Variants in ABCC1 observed in about 807,000 individuals in gnomAD.
ABCC1 encodes multidrug resistance-associated protein 1.
In ABCC1, 83 loss-of-function variants were observed where a neutral mutation model predicts 172.9. That is an observed-to-expected ratio of 0.48 (90% CI 0.40 to 0.58). ABCC1 has a LOEUF of 0.58. ABCC1 is among the 20% of genes least tolerant of loss of function. ABCC1 has a pLI of 0.00. For synonymous variants in ABCC1, 937 were observed against 825.2 expected (o/e 1.14, Z -2.32); for missense variants, 1,817 against 2,002.7 (o/e 0.91, Z 1.77).
chr16:15,997,218 C>T (rs1053264596), intron 1 of ABCC1, among the ~76,000 whole-genome samples: 15 of 151,950 alleles, frequency 9.9e-5, no homozygotes, highest in South Asian at 2.1e-4. Context: ...CAGCCTCTCA[C>T]GTAGCCGGGA....
intron 12 of ABCC1, among the ~76,000 whole-genome samples, chr16:16,065,873 G>A (rs1316799361): frequency 1.3e-5 from 2 of 152,160 alleles, no homozygotes; most frequent in African/African-American, 2.4e-5. Flanking sequence ...CTACCATGCC[G>A]ATCGAAATGT....
intron 19 of ABCC1, among the ~76,000 whole-genome samples, chr16:16,093,608 G>T (rs963698544): frequency 3.9e-5 from 6 of 152,194 alleles, no homozygotes; most frequent in Non-Finnish European, 8.8e-5. Flanking sequence ...TCAAACTGGG[G>T]CACCCCCCTC....
At chr16:16,137,862 T>A (rs563328657) in intron 29 of ABCC1, among the ~76,000 whole-genome samples, 226 of 148,880 alleles carry the variant, frequency 1.5e-3, no homozygotes, top group African/African-American at 4.4e-3. Context: ...TCTTATTTTT[T>A]TTTTATTTTA....
chr16:16,081,799 C>T (rs1242546970), intron 16 of ABCC1, among the ~76,000 whole-genome samples: 3 of 152,018 alleles, frequency 2.0e-5, no homozygotes, highest in Admixed American at 6.6e-5. Context: ...GCAGGTTGAT[C>T]ACCTGAGGTC....
chr16:15,979,557 T>C (rs925386196), intron 1 of ABCC1, among the ~76,000 whole-genome samples: 22 of 152,218 alleles, frequency 1.4e-4, no homozygotes, highest in African/African-American at 5.3e-4. Flanking sequence ...TACCATATGA[T>C]GCACCTATAA....
chr16:16,082,939 C>T (rs1040860925), intron 16 of ABCC1, among the ~76,000 whole-genome samples: 20 of 152,156 alleles, frequency 1.3e-4, no homozygotes, highest in Admixed American at 5.9e-4. Flanking sequence ...TGAGCCACTG[C>T]GCCTAGTCAA....
chr16:16,111,304 G>A (rs4238623), intron 21 of ABCC1, 71 bp from the exon 22 acceptor site: 701,183 of 1,327,446 alleles, frequency 0.53, 190,861 homozygotes, highest in South Asian at 0.59. Context: ...TGAAGCCCCC[G>A]ACCTTGTGGG....
chr16:16,104,064 G>A (rs931256083), intron 20 of ABCC1, among the ~76,000 whole-genome samples: 4 of 150,428 alleles, frequency 2.7e-5, no homozygotes, highest in African/African-American at 4.9e-5. Context: ...CGTTCCTCCC[G>A]CTGGGTTTGT....
Position 16,090,540 on chromosome 16 carries a change from C to G in ABCC1, c.2596C>G (p.Leu866Val), listed in dbSNP as rs1168974211. Residue 866 changes from leucine to valine, a missense_variant, in exon 19 of 31, where the codon CTG becomes GTG. This residue lies in a region of ABCC1 where 1,412 missense variants were observed against 1,600.3 expected (regional missense o/e 0.88). Coordinates refer to ENST00000399410, the MANE Select transcript of ABCC1 (RefSeq NM_004996.4). ...TCGAGACGGCGCCTTCGCTGAGTTCCTGCGTACCTATGCCAGCACAGAGCA... is the reference window on the plus strand; with the variant it reads ...TCGAGACGGCGCCTTCGCTGAGTTCGTGCGTACCTATGCCAGCACAGAGCA... Reference protein sequence around the residue: ...LARDGAFAEFLRTYASTEQEQ... With the variant: ...LARDGAFAEFVRTYASTEQEQ... The G allele has an allele frequency of 6.2e-7, 1 of 1,613,438 alleles. No individual in the cohort carries two copies. Among genetic ancestry groups the G allele is most frequent in the African/African-American group, 1.3e-5 (1 of 74,924 alleles).
chr16:16,040,617 A>G (rs1285818136), intron 7 of ABCC1, among the ~76,000 whole-genome samples: 2 of 151,348 alleles, frequency 1.3e-5, no homozygotes, highest in Non-Finnish European at 2.9e-5. Context: ...TATTATTATT[A>G]TACTTTAAGT....
At chr16:16,101,984 C>T (rs1293707728) in intron 19 of ABCC1, among the ~76,000 whole-genome samples, 1 of 152,192 alleles carries the variant, frequency 6.6e-6, no homozygotes, top group South Asian at 2.1e-4. Context: ...GAAGGGTCCA[C>T]TTTGAAGCTC....
At chr16:16,139,068 T>A (rs1220031451) in intron 30 of ABCC1, among the ~76,000 whole-genome samples, 3 of 152,182 alleles carry the variant, frequency 2.0e-5, no homozygotes, top group Non-Finnish European at 4.4e-5. Flanking sequence ...CCTGCGGTGT[T>A]CCCAGACACT....
At chr16:16,055,442 CAGG>C (rs2049607448) in intron 11 of ABCC1, among the ~76,000 whole-genome samples, 1 of 150,868 alleles carries the variant, frequency 6.6e-6, no homozygotes, top group African/African-American at 2.4e-5. Context: ...CCCAGCTACT[CAGG>C]AGGCTGAGGT....
At chr16:15,994,563 G>A (rs757473058) in intron 1 of ABCC1, among the ~76,000 whole-genome samples, 1 of 152,074 alleles carries the variant, frequency 6.6e-6, no homozygotes. Flanking sequence ...TCAGCATTTA[G>A]AAATGTCCTA....
chr16:15,967,425 C>G (rs1280007709), intron 1 of ABCC1, among the ~76,000 whole-genome samples: 2 of 151,880 alleles, frequency 1.3e-5, no homozygotes, highest in Non-Finnish European at 2.9e-5. Context: ...GAGATTCATT[C>G]TGCAGTTTTA....
chr16:15,956,414 C>A (rs945125428), intron 1 of ABCC1, among the ~76,000 whole-genome samples: 1 of 151,602 alleles, frequency 6.6e-6, no homozygotes, highest in Non-Finnish European at 1.5e-5. Context: ...TAACTTTCAA[C>A]TCCCTAAAAG....
At chr16:16,060,181 G>T (rs564291015) in intron 12 of ABCC1, among the ~76,000 whole-genome samples, 2 of 151,436 alleles carry the variant, frequency 1.3e-5, no homozygotes, top group South Asian at 4.2e-4. Flanking sequence ...CCCAAAGCTG[G>T]TCATCTCACC....
chr16:16,134,625 CTTTTTTTTT>C (rs67073334), intron 28 of ABCC1, 117 bp downstream of exon 28: 294 of 355,136 alleles, frequency 8.3e-4, no homozygotes, highest in Middle Eastern at 1.8e-3. Flanking sequence ...CTTCATCGTT[CTTTTTTTTT>C]TTTTTTTTTT....
At chr16:16,104,263 C>T (rs568697065) in intron 20 of ABCC1, among the ~76,000 whole-genome samples, 1 of 151,718 alleles carries the variant, frequency 6.6e-6, no homozygotes, top group Admixed American at 6.6e-5. Flanking sequence ...AGCTTTTATT[C>T]TCTTATCTGG....
Sources: gnomAD v4.1 joint callset for allele counts (sites outside exome capture counted in the v4.1 genomes callset) on GRCh38, gnomAD v4.1.1 for gene constraint, gnomAD v4.1.1 regional missense constraint, MANE v1.5 for transcripts, NCBI Gene and HGNC (gene_info 2026-07-23, HGNC 2026-07-21) for gene names.